CNTN4: variants seen among roughly 807,000 people sequenced by gnomAD.
The protein encoded by CNTN4 is contactin 4.
CNTN4 carries 77 observed loss-of-function variants against 122.5 expected under a neutral mutation model. The ratio of observed to expected loss-of-function variants is 0.63; its 90% CI spans 0.52 to 0.76. The LOEUF is 0.76. CNTN4 is among the 30% of genes least tolerant of loss of function. The pLI is 0.00. For synonymous variants in CNTN4, 512 were observed against 447.0 expected, an observed-to-expected ratio of 1.15 and a Z score of -1.83; for missense variants, 1,256 against 1,259.1, an observed-to-expected ratio of 1.00 and a Z score of 0.04.
chr3:2,949,639 C>T (rs1490040705), intron 13 of CNTN4, among the ~76,000 whole-genome samples: 1 of 152,180 alleles, frequency 6.6e-6, no homozygotes, highest in Non-Finnish European at 1.5e-5. Context: ...GGGGATATTG[C>T]TCCTTAAATT....
intron 2 of CNTN4, among the ~76,000 whole-genome samples, chr3:2,225,921 G>A (rs1425701526): frequency 6.6e-6 from 1 of 152,122 alleles, no homozygotes; most frequent in African/African-American, 2.4e-5. Context: ...CAAGGATCTG[G>A]ATTCTGCACT....
At chr3:2,425,370 C>T (rs1283668124) in intron 3 of CNTN4, among the ~76,000 whole-genome samples, 1 of 152,094 alleles carries the variant, frequency 6.6e-6, no homozygotes, top group Non-Finnish European at 1.5e-5. Flanking sequence ...TGTCAAAGAT[C>T]AGATGGTTGT....
intron 4 of CNTN4, among the ~76,000 whole-genome samples, chr3:2,576,848 A>G (rs1282301353): frequency 6.6e-6 from 1 of 152,068 alleles, no homozygotes; most frequent in Non-Finnish European, 1.5e-5. Context: ...ACACCAGGTC[A>G]CGCCTCGCCC....
At chr3:2,442,773 A>G (rs1476818604) in intron 3 of CNTN4, among the ~76,000 whole-genome samples, 1 of 152,216 alleles carries the variant, frequency 6.6e-6, no homozygotes, top group African/African-American at 2.4e-5. Flanking sequence ...TAAGATCCAG[A>G]GGCTTACTTC....
chr3:3,041,833 G>T (rs563741421), intron 20 of CNTN4, among the ~76,000 whole-genome samples: 17 of 152,176 alleles, frequency 1.1e-4, no homozygotes, highest in Non-Finnish European at 1.5e-4. Flanking sequence ...TGGCACATGT[G>T]TGTGTGGTCC....
chr3:2,266,278 G>A (rs2041045351), intron 2 of CNTN4, among the ~76,000 whole-genome samples: 1 of 152,032 alleles, frequency 6.6e-6, no homozygotes, highest in Non-Finnish European at 1.5e-5. Flanking sequence ...CATGAGGGCT[G>A]TTGAATTTTA....
At chr3:2,276,699 A>G (rs774349038) in intron 2 of CNTN4, among the ~76,000 whole-genome samples, 17 of 152,150 alleles carry the variant, frequency 1.1e-4, no homozygotes, top group Non-Finnish European at 1.8e-4. Context: ...CTATATCACT[A>G]TACTTGTAGA....
At chr3:2,988,686 A>G (rs539319422) in intron 14 of CNTN4, 3 of 572,448 alleles carry the variant, frequency 5.2e-6, no homozygotes, top group South Asian at 2.0e-5. Flanking sequence ...GAATCATCCA[A>G]TACAATTTTG....
chr3:2,870,029 G>A (rs2093767208), intron 8 of CNTN4, among the ~76,000 whole-genome samples: 1 of 152,040 alleles, frequency 6.6e-6, no homozygotes, highest in African/African-American at 2.4e-5. Flanking sequence ...TATCTGTTTT[G>A]GTCTATCAAG....
At position 2,385,925 on chromosome 3, in the gene CNTN4, C is replaced by A. The variant is rs745774077; in HGVS notation, c.-89+46692C>A. On this transcript the variant is annotated intron_variant, in intron 3 of 24. Transcript: ENST00000418658. The surrounding 1 kb of genome is among the most constrained non-coding windows in gnomAD (Gnocchi z 4.0). Reference sequence around the variant, plus strand: ...TCAATATTTGATAAATGAATGAATACATGCATTCTCACTCAGCAGTCGCTC... The same window carrying A: ...TCAATATTTGATAAATGAATGAATAAATGCATTCTCACTCAGCAGTCGCTC... Among the ~76,000 whole-genome samples, 1 of 152,060 alleles carries A rather than the reference C, an allele frequency of 6.6e-6. No individual in the cohort carries two copies. Among genetic ancestry groups the A allele is most frequent in the Non-Finnish European group, 1.5e-5 (1 of 68,042 alleles).
chr3:2,725,292 C>A (rs889925176), intron 4 of CNTN4, among the ~76,000 whole-genome samples: 4 of 152,106 alleles, frequency 2.6e-5, no homozygotes. Context: ...GCATCTGTAA[C>A]CCAGGGTGCA....
chr3:2,441,336 G>A (rs2048431298), intron 3 of CNTN4, among the ~76,000 whole-genome samples: 1 of 152,128 alleles, frequency 6.6e-6, no homozygotes, highest in Non-Finnish European at 1.5e-5. Flanking sequence ...TTTCTATGAA[G>A]GACAGGTATC....
At chr3:2,926,158 C>T (rs896511144) in intron 13 of CNTN4, among the ~76,000 whole-genome samples, 1 of 152,148 alleles carries the variant, frequency 6.6e-6, no homozygotes. Flanking sequence ...CTATGACAAC[C>T]CTTCAATTAT....
At chr3:2,395,134 G>A (rs2046595077) in intron 3 of CNTN4, among the ~76,000 whole-genome samples, 1 of 152,114 alleles carries the variant, frequency 6.6e-6, no homozygotes, top group Non-Finnish European at 1.5e-5. Context: ...AAAGAGCCTA[G>A]GTGTTCATCA....
chr3:2,884,110 TTA>T (rs959848644), intron 9 of CNTN4, among the ~76,000 whole-genome samples: 6 of 151,694 alleles, frequency 4.0e-5, no homozygotes, highest in African/African-American at 1.5e-4. Context: ...TTTTTTTTTT[TTA>T]TTTTTCGGTA....
intron 5 of CNTN4, among the ~76,000 whole-genome samples, chr3:2,739,234 A>G (rs1290612379): frequency 1.3e-5 from 2 of 152,132 alleles, no homozygotes; most frequent in Non-Finnish European, 2.9e-5. Context: ...AAAACTGACA[A>G]TCTGTTGGTG....
intron 3 of CNTN4, among the ~76,000 whole-genome samples, chr3:2,375,108 T>C (rs1013973375): frequency 2.0e-5 from 3 of 152,238 alleles, no homozygotes; most frequent in African/African-American, 4.8e-5. Flanking sequence ...TATGATTGCA[T>C]ATTAACTTTG....
intron 3 of CNTN4, among the ~76,000 whole-genome samples, chr3:2,507,086 T>G (rs1266270069): frequency 1.3e-5 from 2 of 152,194 alleles, no homozygotes; most frequent in Non-Finnish European, 2.9e-5. Flanking sequence ...AACAGTTTAG[T>G]ACAGCTACTG....
At chr3:2,337,564 A>G (rs978980098) in intron 2 of CNTN4, among the ~76,000 whole-genome samples, 2 of 152,174 alleles carry the variant, frequency 1.3e-5, no homozygotes, top group Non-Finnish European at 2.9e-5. Context: ...TGAGGATTAT[A>G]TCAATTAAAG....
Sources: gnomAD v4.1 joint callset for allele counts (sites outside exome capture counted in the v4.1 genomes callset) on GRCh38, gnomAD v4.1.1 for gene constraint, Gnocchi (gnomAD v3.1) non-coding constraint, MANE v1.5 for transcripts, NCBI Gene and HGNC (gene_info 2026-07-23, HGNC 2026-07-21) for gene names.